The following CALCRL variants were observed in gnomAD, a reference collection of about 807,000 sequenced individuals.
The protein encoded by CALCRL is calcitonin gene-related peptide type 1 receptor.
CALCRL carries 27 observed loss-of-function variants against 60.4 expected under a neutral mutation model. That is an observed-to-expected ratio of 0.45 (90% CI 0.33 to 0.62). The LOEUF is 0.62. Ranked by LOEUF, CALCRL falls within the 20% of genes least tolerant of loss-of-function variation. The pLI is 0.03. For missense variants in CALCRL, 424 were observed against 540.7 expected, an observed-to-expected ratio of 0.78 and a Z score of 2.14; for synonymous variants, 190 against 182.6, an observed-to-expected ratio of 1.04 and a Z score of -0.33.
intron 7 of CALCRL, 85 bp downstream of exon 7, chr2:187,380,382 T>C: frequency 1.4e-6 from 1 of 727,600 alleles, no homozygotes; most frequent in Non-Finnish European, 2.4e-6. Context: ...GAATAATGAC[T>C]TTATTTTCTT....
chr2:187,359,078 A>T lies in CALCRL; in HGVS notation c.894T>A (p.Ile298=), dbSNP rs1357605767. The part of the protein sequence containing the change: ...THLLYIIHGP[I]CAALLVNLFF... Reference sequence around the variant, plus strand: ...TGTTACATACCAGTAAAGCAGCACAAATTGGGCCATGGATAATGTAGAGGA... The same window carrying T: ...TGTTACATACCAGTAAAGCAGCACATATTGGGCCATGGATAATGTAGAGGA... Residue 298 remains isoleucine, a synonymous_variant, in exon 12 of 15, where the codon ATT becomes ATA. Transcript: ENST00000392370. The T allele has an allele frequency of 1.2e-6, 2 of 1,612,760 alleles. No homozygotes were observed. Among genetic ancestry groups the T allele is most frequent in the East Asian group, 2.2e-5 (1 of 44,854 alleles).
At chr2:187,412,144 C>T (rs757874255) in intron 1 of CALCRL, among the ~76,000 whole-genome samples, 6 of 152,094 alleles carry the variant, frequency 3.9e-5, no homozygotes, top group Non-Finnish European at 7.4e-5. Context: ...GGTCTGCCTG[C>T]ATCCTTCCAG....
chr2:187,426,914 T>A (rs976145549), intron 1 of CALCRL, among the ~76,000 whole-genome samples: 2 of 152,060 alleles, frequency 1.3e-5, no homozygotes, highest in Admixed American at 1.3e-4. Context: ...AAAAGTAAAA[T>A]TTTATTTACC....
At chr2:187,395,407 C>T (rs1254880583) in intron 1 of CALCRL, among the ~76,000 whole-genome samples, 1 of 152,096 alleles carries the variant, frequency 6.6e-6, no homozygotes, top group Non-Finnish European at 1.5e-5. Context: ...TTAGCAATGT[C>T]ATATTCGATT....
chr2:187,372,996 C>T (rs2105761240), intron 8 of CALCRL, among the ~76,000 whole-genome samples: 1 of 152,242 alleles, frequency 6.6e-6, no homozygotes, highest in South Asian at 2.1e-4. Context: ...ATTTTAGAGT[C>T]TTAGTCTAAT....
intron 1 of CALCRL, among the ~76,000 whole-genome samples, chr2:187,392,368 T>C (rs911264788): frequency 1.3e-5 from 2 of 152,162 alleles, no homozygotes; most frequent in Admixed American, 1.3e-4. Flanking sequence ...CATACTTAAT[T>C]TGCCATAAGG....
At chr2:187,366,244 C>G (rs1215399386) in intron 8 of CALCRL, among the ~76,000 whole-genome samples, 13 of 44,716 alleles carry the variant, frequency 2.9e-4, no homozygotes, top group Admixed American at 2.5e-3. Context: ...AGCGAGACTC[C>G]GTCTCAAAAA....
intron 1 of CALCRL, chr2:187,442,119 T>C (rs1006287010): frequency 6.9e-6 from 1 of 145,402 alleles, no homozygotes; most frequent in Non-Finnish European, 1.5e-5. Flanking sequence ...TACACACACA[T>C]ATACATATAC....
In CALCRL at chr2:187,391,440, A is replaced by C. The variant is rs561825438; in HGVS notation, c.-292-3684T>G. ...GCAAATAATGAAAAGAGGTCAAGTT[A>C]AGTGATTAAGCCAGCCAGAGAATTT... On this transcript the variant is annotated intron_variant, in intron 1 of 14. Coordinates refer to ENST00000392370, the MANE Select transcript of CALCRL (RefSeq NM_005795.6). Among the ~76,000 whole-genome samples, 10 of 152,252 alleles carry C rather than the reference A, an allele frequency of 6.6e-5. No homozygotes were observed. In the South Asian group the frequency reaches 2.1e-3, roughly 32 times the overall value.
chr2:187,371,020 A>T (rs1230181051), intron 8 of CALCRL, among the ~76,000 whole-genome samples: 1 of 152,126 alleles, frequency 6.6e-6, no homozygotes, highest in African/African-American at 2.4e-5. Flanking sequence ...AGGCGGGCAG[A>T]TCACGAATTC....
chr2:187,372,032 A>T (rs1287194079), intron 8 of CALCRL, among the ~76,000 whole-genome samples: 1 of 152,154 alleles, frequency 6.6e-6, no homozygotes, highest in Non-Finnish European at 1.5e-5. Flanking sequence ...TTTGGGACCT[A>T]TGGCAAGTAC....
chr2:187,442,038 T>C (rs974806067), intron 1 of CALCRL: 3 of 149,438 alleles, frequency 2.0e-5, no homozygotes, highest in African/African-American at 7.3e-5. Context: ...TACTCCTTGA[T>C]CTATAAAAGT....
intron 1 of CALCRL, chr2:187,415,601 A>G (rs1689567354): frequency 1.7e-6 from 1 of 578,850 alleles, no homozygotes; most frequent in Non-Finnish European, 3.2e-6. Context: ...AAACCTGCCA[A>G]TTATGATGAC....
intron 1 of CALCRL, among the ~76,000 whole-genome samples, chr2:187,433,083 G>A (rs1017337566): frequency 6.6e-6 from 1 of 152,038 alleles, no homozygotes; most frequent in Non-Finnish European, 1.5e-5. Context: ...ACACCTGACT[G>A]TATTTAGAAT....
At chr2:187,351,807 A>G in intron 14 of CALCRL, 113 bp downstream of exon 14, 1 of 692,480 alleles carries the variant, frequency 1.4e-6, no homozygotes, top group Non-Finnish European at 2.4e-6. Context: ...ATGGAAACAG[A>G]ATTTAACATG....
rs553594802 is a variant in CALCRL at position 187,411,203 on chromosome 2, G to A, written c.-292-23447C>T. On this transcript the variant is annotated intron_variant, in intron 1 of 14. Coordinates refer to ENST00000392370, the MANE Select transcript of CALCRL (RefSeq NM_005795.6). ...CACATGGAGAAAAAAGACAGTTGAG[G>A]TAATCTTAAAAAAATTAATATAAAC... Among the ~76,000 whole-genome samples, 5 of 152,100 alleles carry A rather than the reference G, an allele frequency of 3.3e-5. No individual in the cohort carries two copies. In the East Asian group the frequency reaches 9.7e-4, roughly 29 times the overall value.
chr2:187,354,826 T>C (rs1686702289), intron 12 of CALCRL, among the ~76,000 whole-genome samples: 1 of 151,146 alleles, frequency 6.6e-6, no homozygotes, highest in Non-Finnish European at 1.5e-5. Flanking sequence ...GTAGATGACG[T>C]TACATTTTGC....
chr2:187,425,428 A>T (rs750187791), intron 1 of CALCRL, among the ~76,000 whole-genome samples: 1 of 152,060 alleles, frequency 6.6e-6, no homozygotes, highest in Non-Finnish European at 1.5e-5. Context: ...CCCATTTGGT[A>T]TCTTCCACCC....
chr2:187,358,963 T>C, intron 12 of CALCRL, 100 bp downstream of exon 12: 1 of 911,590 alleles, frequency 1.1e-6, no homozygotes, highest in Non-Finnish European at 1.8e-6. Context: ...TGCATGTCCA[T>C]CTGTGTCCAC....
Sources: gnomAD v4.1 joint callset for allele counts (sites outside exome capture counted in the v4.1 genomes callset) on GRCh38, gnomAD v4.1.1 for gene constraint, MANE v1.5 for transcripts, NCBI Gene and HGNC (gene_info 2026-07-23, HGNC 2026-07-21) for gene names.